KHDRBS2: variants seen among roughly 807,000 people sequenced by gnomAD.
The protein encoded by KHDRBS2 is KH domain-containing, RNA-binding, signal transduction-associated protein 2.
A neutral mutation model predicts 44.3 loss-of-function variants in KHDRBS2; 26 were observed. The observed-to-expected ratio is 0.59, with a 90% CI of 0.43 to 0.81. The LOEUF is 0.81. KHDRBS2 is among the 40% of genes least tolerant of loss of function. The pLI is 0.00. For synonymous variants in KHDRBS2, 194 were observed against 151.1 expected (o/e 1.28, Z -2.08); for missense variants, 476 against 433.1 (o/e 1.10, Z -0.88).
downstream of KHDRBS2, among the ~76,000 whole-genome samples, chr6:61,679,249 CT>C (rs1766111862): frequency 6.6e-6 from 1 of 151,816 alleles, no homozygotes; most frequent in Non-Finnish European, 1.5e-5. Flanking sequence ...CAAAATTTAG[CT>C]TACATTTGAA....
chr6:61,765,643 C>T lies in KHDRBS2; in HGVS notation c.811-32879G>A, dbSNP rs566377380. Among the ~76,000 whole-genome samples the T allele has an allele frequency of 8.4e-4, 128 of 151,976 alleles. 1 individual carries two copies. The highest frequency in any genetic ancestry group is 2.9e-3 in the African/African-American group (119 of 41,448). Reference sequence around the variant, plus strand: ...TGGGTCTGTTATATATGGCCTTTATCATGTTGAGGTATGTTCCTTCTATAC... The same window carrying T: ...TGGGTCTGTTATATATGGCCTTTATTATGTTGAGGTATGTTCCTTCTATAC... On this transcript the variant is annotated intron_variant, in intron 6 of 8. Coordinates refer to ENST00000281156, the MANE Select transcript of KHDRBS2 (RefSeq NM_152688.4).
chr6:61,983,257 T>TTTA (rs1774353571), intron 3 of KHDRBS2, among the ~76,000 whole-genome samples: 3 of 134,730 alleles, frequency 2.2e-5, no homozygotes, highest in Non-Finnish European at 4.8e-5. Flanking sequence ...TTTTTTTTTT[T>TTTA]ATAGTGACTA....
intron 7 of KHDRBS2, among the ~76,000 whole-genome samples, chr6:61,709,108 TCA>T (rs1245483163): frequency 6.6e-6 from 1 of 151,606 alleles, no homozygotes; most frequent in Non-Finnish European, 1.5e-5. Context: ...TATCAGGTGC[TCA>T]ATAACTATTA....
At chr6:62,012,118 A>T (rs1780414299) in intron 3 of KHDRBS2, among the ~76,000 whole-genome samples, 1 of 152,230 alleles carries the variant, frequency 6.6e-6, no homozygotes, top group Non-Finnish European at 1.5e-5. Context: ...TGTGGAAGTC[A>T]GCAAGACAGC....
At chr6:62,024,024 T>C (rs1782829999) in intron 3 of KHDRBS2, among the ~76,000 whole-genome samples, 1 of 151,224 alleles carries the variant, frequency 6.6e-6, no homozygotes, top group South Asian at 2.1e-4. Context: ...AATAATTTGT[T>C]AAACATTCAA....
chr6:62,074,042 C>CT (rs535956251), intron 2 of KHDRBS2, among the ~76,000 whole-genome samples: 31 of 151,868 alleles, frequency 2.0e-4, no homozygotes, highest in Middle Eastern at 3.4e-3. Flanking sequence ...GTTGATAAGG[C>CT]TGTGAAGATG....
At chr6:61,832,239 A>G (rs1791943168) in intron 6 of KHDRBS2, among the ~76,000 whole-genome samples, 1 of 152,220 alleles carries the variant, frequency 6.6e-6, no homozygotes, top group Non-Finnish European at 1.5e-5. Flanking sequence ...ACCTCAAAAG[A>G]AACAACAAAA....
At chr6:62,114,073 C>T (rs770977681) in intron 2 of KHDRBS2, among the ~76,000 whole-genome samples, 13 of 152,050 alleles carry the variant, frequency 8.5e-5, no homozygotes, top group Non-Finnish European at 1.6e-4. Context: ...ACCATCAGAT[C>T]TCATGAGATC....
chr6:61,723,156 A>AAAACAAACAAAC (rs56386313), intron 7 of KHDRBS2, among the ~76,000 whole-genome samples: 152 of 150,500 alleles, frequency 1.0e-3, no homozygotes, highest in African/African-American at 2.3e-3. Context: ...CTGACCATAA[A>AAAACAAACAAAC]AAACAAACAA....
chr6:62,061,534 A>G (rs4710651), intron 2 of KHDRBS2, among the ~76,000 whole-genome samples: 119,764 of 145,446 alleles, frequency 0.82, 49,710 homozygotes, highest in Admixed American at 0.88. Context: ...GGTTTCTGCC[A>G]AGAGATCCGC....
chr6:61,878,824 T>C (rs964309038), intron 6 of KHDRBS2, among the ~76,000 whole-genome samples: 2 of 152,002 alleles, frequency 1.3e-5, no homozygotes, highest in African/African-American at 4.8e-5. Flanking sequence ...GCATAATACT[T>C]AACCTCTTCA....
At chr6:61,724,348 G>A (rs749419554) in intron 7 of KHDRBS2, among the ~76,000 whole-genome samples, 2 of 152,066 alleles carry the variant, frequency 1.3e-5, no homozygotes, top group Non-Finnish European at 2.9e-5. Flanking sequence ...ACCATTACCA[G>A]CCACTGTAAA....
chr6:62,249,490 T>C (rs1380411018), intron 1 of KHDRBS2, among the ~76,000 whole-genome samples: 1 of 152,054 alleles, frequency 6.6e-6, no homozygotes, highest in East Asian at 1.9e-4. Flanking sequence ...TAGATAATTA[T>C]ATAGTTAAAG....
chr6:62,255,270 T>C (rs1837182449), intron 1 of KHDRBS2, among the ~76,000 whole-genome samples: 1 of 152,096 alleles, frequency 6.6e-6, no homozygotes, highest in African/African-American at 2.4e-5. Flanking sequence ...ATCTATAATG[T>C]GTTACCAACA....
intron 2 of KHDRBS2, among the ~76,000 whole-genome samples, chr6:62,087,651 A>C (rs1478829600): frequency 1.3e-5 from 2 of 152,120 alleles, no homozygotes; most frequent in Non-Finnish European, 2.9e-5. Context: ...AAGCTTGGTG[A>C]ATCTGATCAT....
the KHDRBS2 span, among the ~76,000 whole-genome samples, chr6:61,578,587 T>A: frequency 6.6e-6 from 1 of 152,124 alleles, no homozygotes; most frequent in Non-Finnish European, 1.5e-5. Context: ...CCAGTAAAAA[T>A]TTGCCTTATA....
chr6:61,605,043 AAC>A, the KHDRBS2 span, among the ~76,000 whole-genome samples: 1 of 152,128 alleles, frequency 6.6e-6, no homozygotes, highest in East Asian at 1.9e-4. Flanking sequence ...GTCTTTTAAA[AAC>A]ACACCTCACC....
At chr6:62,278,503 G>A (rs1017737371) in intron 1 of KHDRBS2, among the ~76,000 whole-genome samples, 10 of 152,040 alleles carry the variant, frequency 6.6e-5, no homozygotes, top group Admixed American at 2.6e-4. Context: ...TGAATTTATC[G>A]TGGTCATGCT....
At chr6:62,057,384 A>G (rs1022640918) in intron 2 of KHDRBS2, among the ~76,000 whole-genome samples, 4 of 151,984 alleles carry the variant, frequency 2.6e-5, no homozygotes, top group African/African-American at 7.2e-5. Flanking sequence ...AGCTGGTTAC[A>G]TATTTCTGAT....
Sources: gnomAD v4.1 joint callset for allele counts (sites outside exome capture counted in the v4.1 genomes callset) on GRCh38, gnomAD v4.1.1 for gene constraint, MANE v1.5 for transcripts, NCBI Gene and HGNC (gene_info 2026-07-23, HGNC 2026-07-21) for gene names.